PCSK2: variants seen among roughly 807,000 people sequenced by gnomAD.
PCSK2 encodes neuroendocrine convertase 2.
PCSK2 carries 14 observed loss-of-function variants against 69.7 expected under a neutral mutation model. That is an observed-to-expected ratio of 0.20 (90% CI 0.13 to 0.31). The LOEUF is 0.31. Among genes scored for constraint, PCSK2 ranks in the 10% least tolerant of loss-of-function variants. The pLI, the probability that PCSK2 is intolerant of heterozygous loss-of-function variation, is 1.00. For synonymous variants in PCSK2, 307 were observed against 320.7 expected, an observed-to-expected ratio of 0.96 and a Z score of 0.46; for missense variants, 544 against 842.5, an observed-to-expected ratio of 0.65 and a Z score of 4.39.
intron 2 of PCSK2, among the ~76,000 whole-genome samples, chr20:17,262,621 T>G (rs532722602): frequency 1.3e-5 from 2 of 152,204 alleles, no homozygotes; most frequent in Non-Finnish European, 2.9e-5. Flanking sequence ...TCATTGACTA[T>G]GAACAGTGCA....
At chr20:17,437,761 C>T (rs2032513384) in intron 8 of PCSK2, among the ~76,000 whole-genome samples, 1 of 152,354 alleles carries the variant, frequency 6.6e-6, no homozygotes, top group South Asian at 2.1e-4. Flanking sequence ...GCTTGGGATG[C>T]TCTGGGTCAG....
chr20:17,474,375 G>A (rs6136109), intron 11 of PCSK2, among the ~76,000 whole-genome samples: 40,737 of 152,096 alleles, frequency 0.27, 5,660 homozygotes, highest in East Asian at 0.39. Flanking sequence ...AGGAAAATGT[G>A]TGATTCTTAA....
chr20:17,328,208 T>C (rs1248104460), intron 2 of PCSK2, among the ~76,000 whole-genome samples: 1 of 152,136 alleles, frequency 6.6e-6, no homozygotes, highest in East Asian at 1.9e-4. Flanking sequence ...TTTGGAAATA[T>C]ATTGCTTTTT....
At chr20:17,399,372 G>A (rs976110239) in intron 5 of PCSK2, among the ~76,000 whole-genome samples, 5 of 152,140 alleles carry the variant, frequency 3.3e-5, no homozygotes, top group African/African-American at 9.7e-5. Context: ...TACCTAGTAT[G>A]TTTCTTTAAA....
At chr20:17,261,938 C>T (rs1600421639) in intron 2 of PCSK2, among the ~76,000 whole-genome samples, 1 of 152,126 alleles carries the variant, frequency 6.6e-6, no homozygotes, top group South Asian at 2.1e-4. Context: ...AAACTGGGGG[C>T]AGAATGAAAG....
intron 1 of PCSK2, among the ~76,000 whole-genome samples, chr20:17,238,497 G>A (rs569167470): frequency 2.0e-5 from 3 of 152,166 alleles, no homozygotes; most frequent in Non-Finnish European, 2.9e-5. Flanking sequence ...ATGAGGGAAA[G>A]GGCATCGAAC....
intron 1 of PCSK2, among the ~76,000 whole-genome samples, chr20:17,254,902 T>C (rs528972821): frequency 6.6e-6 from 1 of 152,222 alleles, no homozygotes; most frequent in Non-Finnish European, 1.5e-5. Flanking sequence ...GTTAAATTTA[T>C]TCCCCAGTAT....
intron 11 of PCSK2, chr20:17,478,958 A>G: frequency 1.6e-6 from 1 of 616,814 alleles, no homozygotes; most frequent in Admixed American, 2.9e-5. Context: ...TACAATATTC[A>G]GTTTTTGTTG....
chr20:17,304,655 C>G (rs1989270250), intron 2 of PCSK2, among the ~76,000 whole-genome samples: 1 of 152,016 alleles, frequency 6.6e-6, no homozygotes, highest in Admixed American at 6.6e-5. Context: ...ATCTGTGAGC[C>G]TGATGGGATA....
At position 17,419,215 on chromosome 20, in the gene PCSK2, T is replaced by G. The variant is rs6044802; in HGVS notation, c.620+9876T>G. ...AACAAACTTCATACATATGCAGAAC[T>G]GCTTTTAGGGAATGTGTATATTAGA... On this transcript the variant is annotated intron_variant, in intron 6 of 11. Coordinates refer to ENST00000262545, the MANE Select transcript of PCSK2 (RefSeq NM_002594.5). Among the ~76,000 whole-genome samples the G allele has an allele frequency of 9.4e-3, 1,431 of 152,362 alleles. 9 individuals are homozygous for G. The highest frequency in any genetic ancestry group is 0.015 in the South Asian group (74 of 4,822).
intron 2 of PCSK2, among the ~76,000 whole-genome samples, chr20:17,316,104 C>T (rs1483218840): frequency 6.6e-6 from 1 of 152,190 alleles, no homozygotes; most frequent in Non-Finnish European, 1.5e-5. Flanking sequence ...TCAGATGGAT[C>T]TCAGTCGTCC....
intron 2 of PCSK2, among the ~76,000 whole-genome samples, chr20:17,350,620 C>T (rs184719938): frequency 4.6e-5 from 7 of 152,282 alleles, no homozygotes; most frequent in East Asian, 1.9e-4. Context: ...AGAGGCAATG[C>T]GGCTTAGTCG....
At chr20:17,409,126 T>C in intron 5 of PCSK2, 137 bp from the exon 6 acceptor site, 1 of 660,296 alleles carries the variant, frequency 1.5e-6, no homozygotes, top group Non-Finnish European at 2.7e-6. Context: ...TCCAACACAA[T>C]TTTGTGAGGT....
intron 6 of PCSK2, among the ~76,000 whole-genome samples, chr20:17,419,444 A>C (rs1287958314): frequency 6.6e-6 from 1 of 152,228 alleles, no homozygotes; most frequent in Non-Finnish European, 1.5e-5. Context: ...GACCAAACAA[A>C]ATAATAATAA....
At chr20:17,285,666 C>G (rs1302989572) in intron 2 of PCSK2, among the ~76,000 whole-genome samples, 5 of 152,330 alleles carry the variant, frequency 3.3e-5, no homozygotes, top group East Asian at 3.9e-4. Context: ...AGAGCAGTAG[C>G]CTTCAGACCA....
intron 11 of PCSK2, among the ~76,000 whole-genome samples, chr20:17,474,064 A>T (rs1300727846): frequency 6.6e-6 from 1 of 152,172 alleles, no homozygotes; most frequent in Non-Finnish European, 1.5e-5. Context: ...ACCAAACCTG[A>T]GATGACCTTC....
At chr20:17,446,275 G>A (rs2032697834) in intron 8 of PCSK2, among the ~76,000 whole-genome samples, 1 of 152,108 alleles carries the variant, frequency 6.6e-6, no homozygotes, top group Non-Finnish European at 1.5e-5. Context: ...ACTGAATCGA[G>A]GTGAGGATTT....
chr20:17,268,029 A>ATG (rs1416851305), intron 2 of PCSK2, among the ~76,000 whole-genome samples: 3 of 43,470 alleles, frequency 6.9e-5, no homozygotes, highest in African/African-American at 8.7e-5. Flanking sequence ...TATATATCCA[A>ATG]TGTGTATATA....
chr20:17,350,462 C>G (rs1353398768), intron 2 of PCSK2, among the ~76,000 whole-genome samples: 1 of 151,924 alleles, frequency 6.6e-6, no homozygotes, highest in Non-Finnish European at 1.5e-5. Context: ...CCTGGCCCCT[C>G]CCACCCCAGC....
Sources: allele counts gnomAD v4.1 joint callset (sites outside exome capture counted in the v4.1 genomes callset), GRCh38; gene constraint gnomAD v4.1.1; transcripts MANE v1.5; gene names NCBI Gene and HGNC (gene_info 2026-07-23, HGNC 2026-07-21).